The following NALCN variants were observed in gnomAD, a reference collection of about 807,000 sequenced individuals.
NALCN encodes the protein sodium leak channel NALCN.
In NALCN, 111 loss-of-function variants were observed where a neutral mutation model predicts 225.3. That is an observed-to-expected ratio of 0.49 (90% confidence interval 0.42 to 0.58). The LOEUF (loss-of-function observed/expected upper bound fraction) is 0.58. Among genes scored for constraint, NALCN ranks in the 20% least tolerant of loss-of-function variants. The pLI is 0.00. For synonymous variants in NALCN, 764 were observed against 769.0 expected (o/e 0.99, Z 0.11); for missense variants, 1,378 against 2,202.4 (o/e 0.63, Z 7.49).
intron 17 of NALCN, among the ~76,000 whole-genome samples, chr13:101,138,152 T>C (rs1257438237): frequency 6.6e-6 from 1 of 152,216 alleles, no homozygotes; most frequent in East Asian, 1.9e-4. Flanking sequence ...CATGCATGTA[T>C]GTGCATTTCC....
At chr13:101,268,258 C>T (rs1000812557) in intron 10 of NALCN, among the ~76,000 whole-genome samples, 3 of 152,186 alleles carry the variant, frequency 2.0e-5, no homozygotes, top group Non-Finnish European at 4.4e-5. Context: ...TCACATCTCT[C>T]TCCACCTTCA....
At position 101,320,386 on chromosome 13, in the gene NALCN, T is replaced by G. The variant is rs368636138; in HGVS notation, c.799+24880A>C. Reference sequence around the variant, plus strand: ...TAAGGTTGTTTTTGCTTCCCCTATATTTCTGTTTTAGAAGGAAAATTAAAA... The same window carrying G: ...TAAGGTTGTTTTTGCTTCCCCTATAGTTCTGTTTTAGAAGGAAAATTAAAA... On this transcript the variant is annotated intron_variant, in intron 7 of 43. Coordinates refer to ENST00000251127, the MANE Select transcript of NALCN (RefSeq NM_052867.4). Among the ~76,000 whole-genome samples, 15 of 152,326 alleles carry G rather than the reference T, an allele frequency of 9.8e-5. No homozygotes were observed. The South Asian group carries it at 2.3e-3, about 23-fold the overall frequency.
At chr13:101,158,681 T>G (rs1594330565) in intron 15 of NALCN, among the ~76,000 whole-genome samples, 1 of 152,212 alleles carries the variant, frequency 6.6e-6, no homozygotes, top group South Asian at 2.1e-4. Flanking sequence ...TGCTGTAATC[T>G]AGTGGCTGAA....
At chr13:101,063,149 C>G (rs977522814) in intron 40 of NALCN, among the ~76,000 whole-genome samples, 4 of 152,182 alleles carry the variant, frequency 2.6e-5, no homozygotes, top group African/African-American at 9.6e-5. Context: ...TGGCTCAGAC[C>G]CATGCACCCT....
At chr13:101,242,525 C>T (rs943734477) in intron 11 of NALCN, among the ~76,000 whole-genome samples, 2 of 105,624 alleles carry the variant, frequency 1.9e-5, no homozygotes, top group African/African-American at 6.8e-5. Flanking sequence ...TTTGATATCA[C>T]ACCCTTTCCT....
intron 15 of NALCN, among the ~76,000 whole-genome samples, chr13:101,157,006 C>T (rs2037936937): frequency 6.6e-6 from 1 of 152,032 alleles, no homozygotes; most frequent in African/African-American, 2.4e-5. Flanking sequence ...TCACATTAAT[C>T]CACATATTTT....
At chr13:101,117,295 C>T (rs1205121211) in intron 18 of NALCN, among the ~76,000 whole-genome samples, 2 of 152,270 alleles carry the variant, frequency 1.3e-5, no homozygotes, top group African/African-American at 4.8e-5. Flanking sequence ...AAATCCATGC[C>T]TTTCGTGCAT....
chr13:101,103,346 G>C lies in NALCN; in HGVS notation c.2890-7C>G. 6.2e-7 allele frequency: 1 copy of C among 1,601,366 alleles called. No individual in the cohort carries two copies. On this transcript the variant is annotated splice_region_variant and splice_polypyrimidine_tract_variant and intron_variant, in intron 25 of 43. Transcript: ENST00000251127. ...AAAGAAATATCAAGCTCACCTAAAGGGGAACAAATGATCTCTGGAATTTAT... is the reference window on the plus strand; with the variant it reads ...AAAGAAATATCAAGCTCACCTAAAGCGGAACAAATGATCTCTGGAATTTAT...
At chr13:101,105,828 AAAGCCCTC>A (rs1323071297) in intron 22 of NALCN, among the ~76,000 whole-genome samples, 1 of 152,150 alleles carries the variant, frequency 6.6e-6, no homozygotes, top group Non-Finnish European at 1.5e-5. Flanking sequence ...GTCCCTGAGC[AAAGCCCTC>A]AACTTCTGCA....
At position 101,075,996 on chromosome 13, in the gene NALCN, A is replaced by G. The variant is rs904579801; in HGVS notation, c.3886-55T>C. On this transcript the variant is annotated intron_variant, in intron 34 of 43. Coordinates refer to ENST00000251127, the MANE Select transcript of NALCN (RefSeq NM_052867.4). Reference sequence around the variant, plus strand: ...TAATTTGCACAAAAGATCTTGTTACAGTTCCATTTTTTAAGCCTTCTGTGA... The same window carrying G: ...TAATTTGCACAAAAGATCTTGTTACGGTTCCATTTTTTAAGCCTTCTGTGA... 14 of 1,495,628 alleles carry G rather than the reference A, an allele frequency of 9.4e-6. No homozygotes were observed. In the South Asian group the frequency reaches 9.8e-5, roughly 11 times the overall value. 92.6% of individuals were successfully genotyped at this position (1,495,628 alleles called of 1,614,324 possible). A position where few individuals can be genotyped will look rare whatever the true frequency, so the allele number is the denominator to read the frequency against.
intron 17 of NALCN, among the ~76,000 whole-genome samples, chr13:101,136,317 TA>T (rs2036789314): frequency 6.6e-6 from 1 of 152,024 alleles, no homozygotes; most frequent in Non-Finnish European, 1.5e-5. Flanking sequence ...TTTATTTATA[TA>T]TTATACTTTA....
At chr13:101,298,639 A>G (rs1358850968) in intron 7 of NALCN, among the ~76,000 whole-genome samples, 1 of 152,196 alleles carries the variant, frequency 6.6e-6, no homozygotes, top group Admixed American at 6.5e-5. Context: ...AACTAATGAA[A>G]AAAGAGAGCG....
At chr13:101,151,853 A>T (rs1437672561) in intron 15 of NALCN, among the ~76,000 whole-genome samples, 1 of 152,214 alleles carries the variant, frequency 6.6e-6, no homozygotes, top group Non-Finnish European at 1.5e-5. Context: ...CTGTGTAATT[A>T]TAAAACCTTA....
intron 9 of NALCN, among the ~76,000 whole-genome samples, chr13:101,291,685 C>G: frequency 6.6e-6 from 1 of 152,132 alleles, no homozygotes; most frequent in Non-Finnish European, 1.5e-5. Flanking sequence ...GTAGCTGGGA[C>G]TACAAGCTCA....
intron 17 of NALCN, among the ~76,000 whole-genome samples, chr13:101,134,995 C>A (rs1057346935): frequency 7.2e-5 from 11 of 152,020 alleles, no homozygotes; most frequent in Non-Finnish European, 1.5e-4. Flanking sequence ...GAAATCGAGA[C>A]CATCCTGGCT....
chr13:101,381,925 A>T (rs1301887780), intron 3 of NALCN, among the ~76,000 whole-genome samples: 1 of 152,126 alleles, frequency 6.6e-6, no homozygotes, highest in East Asian at 1.9e-4. Context: ...GTTTTTAAAA[A>T]GGCAAAGAAT....
chr13:101,162,050 G>A (rs2038211899), intron 15 of NALCN, among the ~76,000 whole-genome samples: 1 of 152,018 alleles, frequency 6.6e-6, no homozygotes, highest in Non-Finnish European at 1.5e-5. Context: ...CCCCTCCCCT[G>A]ACCCACCACA....
At chr13:101,378,451 T>C in intron 4 of NALCN, 119 bp downstream of exon 4, 1 of 673,440 alleles carries the variant, frequency 1.5e-6, no homozygotes, top group South Asian at 2.6e-5. Flanking sequence ...TAAAATGTTG[T>C]AGGCAATTAC....
intron 10 of NALCN, among the ~76,000 whole-genome samples, chr13:101,281,025 C>G (rs1239773472): frequency 6.6e-6 from 1 of 151,926 alleles, no homozygotes; most frequent in African/African-American, 2.4e-5. Flanking sequence ...GGATTACAGG[C>G]GTGCACCACA....
Sources: allele counts gnomAD v4.1 joint callset (sites outside exome capture counted in the v4.1 genomes callset), GRCh38; gene constraint gnomAD v4.1.1; transcripts MANE v1.5; gene names NCBI Gene and HGNC (gene_info 2026-07-23, HGNC 2026-07-21).